ATP2B4: variants seen among roughly 807,000 people sequenced by gnomAD.
ATP2B4 encodes the protein ATPase plasma membrane Ca2+ transporting 4.
A neutral mutation model predicts 110.3 loss-of-function variants in ATP2B4; 39 were observed. That is an observed-to-expected ratio of 0.35 (90% CI 0.27 to 0.46). ATP2B4 has a LOEUF of 0.46. ATP2B4 is among the 20% of genes least tolerant of loss of function. The pLI, the probability that ATP2B4 is intolerant of heterozygous loss-of-function variation, is 1.00. For synonymous variants in ATP2B4, 538 were observed against 571.7 expected (o/e 0.94, Z 0.84); for missense variants, 1,135 against 1,530.9 (o/e 0.74, Z 4.32).
intron 19 of ATP2B4, among the ~76,000 whole-genome samples, chr1:203,726,840 A>T (rs1666535178): frequency 6.6e-6 from 1 of 152,026 alleles, no homozygotes; most frequent in Admixed American, 6.6e-5. Flanking sequence ...CCACTTCCTC[A>T]CCTCAAGCCC....
chr1:203,728,442 C>G (rs2102227302), intron 20 of ATP2B4: 1 of 235,384 alleles, frequency 4.2e-6, no homozygotes, highest in African/African-American at 2.3e-5. Flanking sequence ...TTCAAAAACA[C>G]TGTAAATTCC....
chr1:203,659,812 G>T (rs925619767), intron 1 of ATP2B4, among the ~76,000 whole-genome samples: 1 of 151,948 alleles, frequency 6.6e-6, no homozygotes, highest in Non-Finnish European at 1.5e-5. Context: ...AGCTGGGTGT[G>T]GTGGCTCACG....
At chr1:203,634,642 A>G (rs1663381973) in intron 1 of ATP2B4, among the ~76,000 whole-genome samples, 1 of 152,136 alleles carries the variant, frequency 6.6e-6, no homozygotes, top group Non-Finnish European at 1.5e-5. Flanking sequence ...TGGGTGGCTT[A>G]AGCAACAGAA....
At chr1:203,724,891 T>G (rs866588404) in intron 19 of ATP2B4, among the ~76,000 whole-genome samples, 1 of 147,728 alleles carries the variant, frequency 6.8e-6, no homozygotes, top group Admixed American at 6.8e-5. Context: ...TTTTTTTTTT[T>G]TCTGAGACAG....
At position 203,740,022 on chromosome 1, in the gene ATP2B4, C is replaced by T; in HGVS notation, c.*168C>T. ...ATGAAGAGGCAAGAGCACAGACTTACAAGGATTTCAACTTAAGCTTGACTT... is the reference window on the plus strand; with the variant it reads ...ATGAAGAGGCAAGAGCACAGACTTATAAGGATTTCAACTTAAGCTTGACTT... On this transcript the variant is annotated 3_prime_UTR_variant, in exon 21 of 21. Transcript: ENST00000357681. 1 of 759,758 alleles carries T rather than the reference C, an allele frequency of 1.3e-6. No homozygotes were observed. Among genetic ancestry groups the T allele is most frequent in the East Asian group, 2.7e-5 (1 of 36,596 alleles). 47.1% of individuals were successfully genotyped at this position (759,758 alleles called of 1,614,324 possible).
chr1:203,697,559 A>G (rs1665568698), intron 2 of ATP2B4, among the ~76,000 whole-genome samples: 1 of 152,216 alleles, frequency 6.6e-6, no homozygotes, highest in African/African-American at 2.4e-5. Flanking sequence ...TACTAAGATA[A>G]GTGAGTGGTC....
rs770737574 is a variant in ATP2B4, at chr1:203,703,820, A to G, written c.1099+7A>G. 1 of 1,613,314 alleles carries G rather than the reference A, an allele frequency of 6.2e-7. No individual in the cohort carries two copies. Among genetic ancestry groups the G allele is most frequent in the Non-Finnish European group, 8.5e-7 (1 of 1,179,512 alleles). ...GTTCAGATTGGGAAAGCCGGTGAGTAGGGTAGAGCCTCGTTGTGGTTTATC... is the reference window on the plus strand; with the variant it reads ...GTTCAGATTGGGAAAGCCGGTGAGTGGGGTAGAGCCTCGTTGTGGTTTATC... On this transcript the variant is annotated splice_region_variant and intron_variant, in intron 8 of 20. Transcript: ENST00000357681.
chr1:203,714,308 A>C (rs762912779), intron 15 of ATP2B4, 31 bp downstream of exon 15: 1 of 1,611,534 alleles, frequency 6.2e-7, no homozygotes, highest in Non-Finnish European at 8.5e-7. Context: ...CTCTGATTGC[A>C]AGCTGCCTTC....
At position 203,744,004 on chromosome 1, in the gene ATP2B4, A is replaced by T. The variant is rs1667041626; in HGVS notation, c.*4150A>T. 1 of 152,648 alleles carries T rather than the reference A, an allele frequency of 6.6e-6. No individual in the cohort carries two copies. Among genetic ancestry groups the T allele is most frequent in the Non-Finnish European group, 1.5e-5 (1 of 68,044 alleles). The allele number at this position is 152,648 out of a possible 1,614,324, so 9.5% of individuals were successfully genotyped here. On this transcript the variant is annotated 3_prime_UTR_variant, in exon 21 of 21. Transcript: ENST00000357681. ...AGTTTTAAAAGGGATAATTTGTTGG[A>T]GCCAATAAAGCTTTTTGCTGATGAA...
chr1:203,684,516 C>T (rs551240227), intron 2 of ATP2B4, among the ~76,000 whole-genome samples: 1 of 152,062 alleles, frequency 6.6e-6, no homozygotes, highest in Admixed American at 6.6e-5. Flanking sequence ...CACCACCACG[C>T]CCAGCTAATT....
At chr1:203,675,279 A>G (rs985385680) in intron 1 of ATP2B4, among the ~76,000 whole-genome samples, 3 of 152,092 alleles carry the variant, frequency 2.0e-5, no homozygotes, top group Admixed American at 1.3e-4. Context: ...TATGGGTCCT[A>G]CCTTCTCCCT....
At chr1:203,707,678 G>A (rs541570886) in intron 9 of ATP2B4, among the ~76,000 whole-genome samples, 184 bp from the exon 10 acceptor site, 11 of 152,208 alleles carry the variant, frequency 7.2e-5, no homozygotes, top group Admixed American at 2.0e-4. Context: ...TGATCTGCCC[G>A]TCTCAGCCTC....
In ATP2B4 at chr1:203,699,645, A is replaced by G; in HGVS notation, c.577A>G (p.Ile193Val). ...TGAACAGGAGCAAAAGTTCTCCATC[A>G]TCCGAAACGGTCAACTCATCCAGCT... Reference protein sequence around the residue: ...RIEQEQKFSIIRNGQLIQLPV... With the variant: ...RIEQEQKFSIVRNGQLIQLPV... Residue 193 changes from isoleucine (I) to valine (V), a missense_variant, in exon 4 of 21, where the codon ATC (isoleucine) becomes GTC (valine). By Grantham distance (29) the Ile-to-Val change is conservative (BLOSUM62 3). This residue lies in a region of ATP2B4 where 101 missense variants were observed against 182.6 expected (regional missense o/e 0.55). Coordinates refer to ENST00000357681, the MANE Select transcript of ATP2B4 (RefSeq NM_001684.5). 6.2e-7 allele frequency: 1 copy of G among 1,614,178 alleles called. No homozygotes were observed. The highest frequency in any genetic ancestry group is 8.5e-7 in the Non-Finnish European group (1 of 1,180,032).
intron 1 of ATP2B4, among the ~76,000 whole-genome samples, chr1:203,654,020 G>A (rs1486634218): frequency 3.4e-5 from 4 of 119,266 alleles, no homozygotes; most frequent in Admixed American, 1.0e-4. Context: ...TTTCGCTCTT[G>A]TTGCCCAGGC....
chr1:203,691,015 A>G (rs929525462), intron 2 of ATP2B4, among the ~76,000 whole-genome samples: 3 of 152,138 alleles, frequency 2.0e-5, no homozygotes, highest in African/African-American at 7.2e-5. Context: ...AGCCCAGCCC[A>G]GGCTCTGCCA....
At chr1:203,711,810 G>C (rs1216044516) in intron 12 of ATP2B4, 150 bp from the exon 13 acceptor site, 2 of 820,438 alleles carry the variant, frequency 2.4e-6, no homozygotes, top group Non-Finnish European at 3.8e-6. Context: ...GCACCCAACA[G>C]TATCAAAATG....
intron 1 of ATP2B4, among the ~76,000 whole-genome samples, chr1:203,646,337 G>C (rs370304429): frequency 2.6e-4 from 39 of 152,056 alleles, no homozygotes; most frequent in Admixed American, 6.6e-5. Flanking sequence ...AGAGTCCAAG[G>C]GTGCAGTGGC....
intron 1 of ATP2B4, among the ~76,000 whole-genome samples, chr1:203,681,303 CAA>C: frequency 6.6e-6 from 1 of 152,162 alleles, no homozygotes. Flanking sequence ...CAGGAATCGG[CAA>C]AGACTTTGGC....
intron 20 of ATP2B4, among the ~76,000 whole-genome samples, chr1:203,735,134 G>A (rs1305808328): frequency 3.3e-5 from 5 of 151,902 alleles, no homozygotes; most frequent in Admixed American, 3.3e-4. Flanking sequence ...CTGAAGAGGA[G>A]TGCCTTTTAT....
Sources: allele counts gnomAD v4.1 joint callset (sites outside exome capture counted in the v4.1 genomes callset), GRCh38; gene constraint gnomAD v4.1.1; regional missense constraint gnomAD v4.1.1; transcripts MANE v1.5; gene names NCBI Gene and HGNC (gene_info 2026-07-23, HGNC 2026-07-21).